The following CNTNAP1 variants were observed in gnomAD, a reference collection of about 807,000 sequenced individuals.
The protein encoded by CNTNAP1 is contactin associated protein 1.
A neutral mutation model predicts 161.5 loss-of-function variants in CNTNAP1; 80 were observed. The ratio of observed to expected loss-of-function variants is 0.50; its 90% CI spans 0.41 to 0.60. The LOEUF (loss-of-function observed/expected upper bound fraction) is 0.60, where lower values mean the gene tolerates loss of function less well. Among genes scored for constraint, CNTNAP1 ranks in the 20% least tolerant of loss-of-function variants. CNTNAP1 has a pLI of 0.00. For synonymous variants in CNTNAP1, 695 were observed against 733.1 expected (o/e 0.95, Z 0.84); for missense variants, 1,464 against 1,854.8 (o/e 0.79, Z 3.87).
Position 42,687,057 on chromosome 17 carries a change from A to AG in CNTNAP1, c.1044+17dup, listed in dbSNP as rs751088050. 1.4e-5 allele frequency: 23 copies of AG among 1,608,028 alleles called. No individual in the cohort carries two copies. The highest frequency in any genetic ancestry group is 2.0e-5 in the Non-Finnish European group (23 of 1,175,246). On this transcript the variant is annotated intron_variant, in intron 7 of 23. Coordinates refer to ENST00000264638, the MANE Select transcript of CNTNAP1 (RefSeq NM_003632.3). The surrounding 1 kb of genome is among the most constrained non-coding windows in gnomAD (Gnocchi z 4.7). ...CGGATCACCTTCGAGGCCAGTGGGC[A>AG]GGGGGGTCTGGGAGGACAGGATATC... is the stretch of plus-strand genomic sequence containing the variant.
chr17:42,693,244 C>G, intron 17 of CNTNAP1, 53 bp from the exon 18 acceptor site: 1 of 1,604,312 alleles, frequency 6.2e-7, no homozygotes, highest in East Asian at 2.2e-5. Context: ...CAGGCGTGAG[C>G]CACCGCGCCT....
rs768387220 is a variant in CNTNAP1 at position 42,685,347 on chromosome 17, C to T, written c.642C>T (p.His214=). 22 of 1,610,018 alleles carry T rather than the reference C, an allele frequency of 1.4e-5. No individual in the cohort carries two copies. The highest frequency in any genetic ancestry group is 1.8e-5 in the Non-Finnish European group (21 of 1,179,996). The change falls in exon 5 of 24, where the codon CAC becomes CAT. Residue 214 remains histidine, a synonymous_variant. Coordinates refer to ENST00000264638, the MANE Select transcript of CNTNAP1 (RefSeq NM_003632.3). This position sits in a 1 kb window ranked among gnomAD's most constrained non-coding sequence, Gnocchi z 5.0. ...AGGAGAAGGACGGTCTTCTGCTGCACGCCGAGGGCGCCCAGGGCGACTACG... is the reference window on the plus strand; with the variant it reads ...AGGAGAAGGACGGTCTTCTGCTGCATGCCGAGGGCGCCCAGGGCGACTACG... ...KTEEKDGLLL[H]AEGAQGDYVT...
chr17:42,693,672 T>C (rs562841105), intron 18 of CNTNAP1, 136 bp downstream of exon 18: 1 of 1,331,298 alleles, frequency 7.5e-7, no homozygotes, highest in African/African-American at 1.5e-5. Context: ...GCTCTGAGTT[T>C]GGGGAGTTAG....
At position 42,693,342 on chromosome 17, in the gene CNTNAP1, C is replaced by T. The variant is rs777042333; in HGVS notation, c.2798C>T (p.Ala933Val). 6.2e-7 allele frequency: 1 copy of T among 1,614,182 alleles called. No homozygotes were observed. The highest frequency in any genetic ancestry group is 1.7e-5 in the Admixed American group (1 of 60,024). ...CGCCCCTTTGTGGGTTGCTTGAGGGCCATGCGTCTGAACGGAGTGACTCTG... is the reference window on the plus strand; with the variant it reads ...CGCCCCTTTGTGGGTTGCTTGAGGGTCATGCGTCTGAACGGAGTGACTCTG... ...KRRPFVGCLR[A>V]MRLNGVTLNL... Residue 933 changes from alanine to valine, a missense_variant, in exon 18 of 24, where the codon GCC (alanine) becomes GTC (valine). Coordinates refer to ENST00000264638, the MANE Select transcript of CNTNAP1 (RefSeq NM_003632.3).
intron 10 of CNTNAP1, among the ~76,000 whole-genome samples, chr17:42,689,289 TA>T (rs1274943861): frequency 2.0e-5 from 3 of 151,932 alleles, no homozygotes; most frequent in Admixed American, 6.6e-5. Flanking sequence ...AGGGGGATGA[TA>T]GGGGTAGAAT....
chr17:42,693,274 G>C (rs2053113915), intron 17 of CNTNAP1, 23 bp from the exon 18 acceptor site: 3 of 1,612,150 alleles, frequency 1.9e-6, no homozygotes, highest in African/African-American at 1.3e-5. Context: ...TCCATTTCTT[G>C]ACCTGTTGCC....
chr17:42,691,717 C>A lies in CNTNAP1; in HGVS notation c.2345-89C>A. 6.9e-7 allele frequency: 1 copy of A among 1,454,490 alleles called. No individual in the cohort carries two copies. Among genetic ancestry groups the A allele is most frequent in the African/African-American group, 1.4e-5 (1 of 71,720 alleles). 90.1% of individuals were successfully genotyped at this position (1,454,490 alleles called of 1,614,324 possible). On this transcript the variant is annotated intron_variant, in intron 15 of 23. Transcript: ENST00000264638. This position sits in a 1 kb window ranked among gnomAD's most constrained non-coding sequence, Gnocchi z 4.3. ...CGTCACCTCAAACCCTCCCCCTTTG[C>A]CCAACCTTCCCTGCCCCCAACCCCA... is the stretch of plus-strand genomic sequence containing the variant.
rs1243829682 is a variant in CNTNAP1 at position 42,684,032 on chromosome 17, A to G, written c.170-4A>G. 1 of 1,614,078 alleles carries G rather than the reference A, an allele frequency of 6.2e-7. No homozygotes were observed. The highest frequency in any genetic ancestry group is 2.2e-5 in the East Asian group (1 of 44,874). On this transcript the variant is annotated splice_polypyrimidine_tract_variant and splice_region_variant and intron_variant, in intron 2 of 23. Coordinates refer to ENST00000264638, the MANE Select transcript of CNTNAP1 (RefSeq NM_003632.3). ...GCCGGTTAAAGCTCCTGTCCTTTCT[A>G]TAGGCATAAGCGGGTGGTCACCACG...
chr17:42,693,284 C>T lies in CNTNAP1; in HGVS notation c.2753-13C>T, dbSNP rs764610571. 6.2e-7 allele frequency: 1 copy of T among 1,613,496 alleles called. No homozygotes were observed. Among genetic ancestry groups the T allele is most frequent in the Non-Finnish European group, 8.5e-7 (1 of 1,179,534 alleles). ...CTGCCTCCATTTCTTGACCTGTTGC[C>T]TACCCTTCCCAGGATCTGCAGAGCT... is the stretch of plus-strand genomic sequence containing the variant. On this transcript the variant is annotated splice_polypyrimidine_tract_variant and intron_variant, in intron 17 of 23. Transcript: ENST00000264638.
chr17:42,689,379 C>A, intron 10 of CNTNAP1, 142 bp from the exon 11 acceptor site: 2 of 647,536 alleles, frequency 3.1e-6, no homozygotes, highest in Non-Finnish European at 5.4e-6. Flanking sequence ...CCTGCATCTG[C>A]GCTTATACCC....
rs1177146653 is a variant in CNTNAP1 at position 42,685,298 on chromosome 17, T to A, written c.593T>A (p.Val198Glu). 3.7e-6 allele frequency: 6 copies of A among 1,613,458 alleles called. No homozygotes were observed. The highest frequency in any genetic ancestry group is 5.1e-6 in the Non-Finnish European group (6 of 1,180,034). ...PRGVSRSLWD[V>E]FAFSFKTEEK... ...GGGGTCAGCCGAAGCCTGTGGGACG[T>A]GTTCGCCTTCAGCTTCAAGACCGAG... is the stretch of plus-strand genomic sequence containing the variant. The change falls in exon 5 of 24, where the codon GTG becomes GAG. Residue 198 changes from valine to glutamate, a missense_variant. Around this residue, in one of 3 missense-constraint regions of CNTNAP1, gnomAD observed 1,383 missense variants for 1,765.0 expected, o/e 0.78. Transcript: ENST00000264638. This position sits in a 1 kb window ranked among gnomAD's most constrained non-coding sequence, Gnocchi z 5.0.
In CNTNAP1 at chr17:42,691,906, C is replaced by G. The variant is rs149019295; in HGVS notation, c.2445C>G (p.Thr815=). 260 of 1,614,066 alleles carry G rather than the reference C, an allele frequency of 1.6e-4. No homozygotes were observed. Among genetic ancestry groups the G allele is most frequent in the Non-Finnish European group, 2.0e-4 (239 of 1,180,032 alleles). Reference sequence around the variant, plus strand: ...TGGATGTCTCCTTCTACTTCAGGACCTCTGCTCCCTCGGGGGTCTTCCTAG... The same window carrying G: ...TGGATGTCTCCTTCTACTTCAGGACGTCTGCTCCCTCGGGGGTCTTCCTAG... The part of the protein sequence containing the change: ...HSLDVSFYFR[T]SAPSGVFLEN... The change falls in exon 16 of 24, where the codon ACC becomes ACG. Residue 815 remains threonine (T), a synonymous_variant. Coordinates refer to ENST00000264638, the MANE Select transcript of CNTNAP1 (RefSeq NM_003632.3). The surrounding 1 kb of genome is among the most constrained non-coding windows in gnomAD (Gnocchi z 4.3).
In CNTNAP1 at chr17:42,698,890, G is replaced by A; in HGVS notation, c.4135G>A (p.Glu1379Lys). The change falls in exon 24 of 24, where the codon GAG (glutamate) becomes AAG (lysine). Residue 1379 changes from glutamate (E) to lysine (K), a missense_variant. By Grantham distance (56) the Glu-to-Lys change is moderately conservative. Transcript: ENST00000264638. ...GGATCAGAACCTACCCCAGATCCTG[G>A]AGGAGTCCAGGTCTGAATGAGTCAG... Reference protein sequence around the residue: ...PRDQNLPQILEESRSE With the variant: ...PRDQNLPQILKESRSE 2 of 1,555,886 alleles carry A rather than the reference G, an allele frequency of 1.3e-6. No homozygotes were observed. The highest frequency in any genetic ancestry group is 1.7e-6 in the Non-Finnish European group (2 of 1,156,430).
At chr17:42,694,534 G>T (rs2053130122) in intron 18 of CNTNAP1, among the ~76,000 whole-genome samples, 1 of 151,980 alleles carries the variant, frequency 6.6e-6, no homozygotes, top group African/African-American at 2.4e-5. Flanking sequence ...GGAGGCTGAG[G>T]TGGGAGGATC....
Position 42,689,019 on chromosome 17 carries a change from C to T in CNTNAP1, c.1600C>T (p.Leu534Phe), listed in dbSNP as rs1273116283. ...GRRLGFYAEV[L>F]FDTCGITDRC... ...GCGGCTTGGATTCTATGCTGAGGTC[C>T]TCTTTGATACATGTGGCATCACTGA... The change falls in exon 10 of 24, where the codon CTC becomes TTC. Residue 534 changes from leucine (L) to phenylalanine (F), a missense_variant. Around this residue, in one of 3 missense-constraint regions of CNTNAP1, gnomAD observed 1,383 missense variants for 1,765.0 expected, o/e 0.78. Transcript: ENST00000264638. The T allele has an allele frequency of 6.3e-7, 1 of 1,599,540 alleles. No individual in the cohort carries two copies. Among genetic ancestry groups the T allele is most frequent in the African/African-American group, 1.3e-5 (1 of 74,512 alleles).
chr17:42,690,169 GC>G lies in CNTNAP1; in HGVS notation c.1822del (p.Leu608Ter), dbSNP rs1354703437. The G allele has an allele frequency of 6.2e-7, 1 of 1,614,024 alleles. No individual in the cohort carries two copies. Among genetic ancestry groups the G allele is most frequent in the Admixed American group, 1.7e-5 (1 of 59,996 alleles). Reference protein sequence around the residue: ...GNFTIDPDGSGPLKPFVVYCD... With the variant: ...GNFTIDPDGSXPLKPFVVYCD... ...TTCACCATTGATCCTGATGGCAGTG[GC>G]CCCCTGAAGCCATTTGTAGTGTACT... On this transcript the variant is annotated frameshift_variant, in exon 12 of 24. Coordinates refer to ENST00000264638, the MANE Select transcript of CNTNAP1 (RefSeq NM_003632.3). LOFTEE classifies it high-confidence loss of function.
rs777967716 is a variant in CNTNAP1 at position 42,692,703 on chromosome 17, A to G, written c.2735A>G (p.Asp912Gly). 6.2e-7 allele frequency: 1 copy of G among 1,610,854 alleles called. No homozygotes were observed. Among genetic ancestry groups the G allele is most frequent in the Admixed American group, 1.7e-5 (1 of 59,968 alleles). The change falls in exon 17 of 24, where the codon GAC becomes GGC. Residue 912 changes from aspartate to glycine, a missense_variant. Transcript: ENST00000264638. ...PLQTYIWMEY[D>G]QPLYVGSAEL... ...CAGACCTACATCTGGATGGAGTATGACCAGCCCCTCTATGTGGGTAAGCAG... is the reference window on the plus strand; with the variant it reads ...CAGACCTACATCTGGATGGAGTATGGCCAGCCCCTCTATGTGGGTAAGCAG...
chr17:42,690,646 C>A, intron 12 of CNTNAP1, 93 bp from the exon 13 acceptor site: 1 of 1,305,654 alleles, frequency 7.7e-7, no homozygotes, highest in Non-Finnish European at 1.1e-6. Context: ...CGTTCAGTGG[C>A]TCTGAGTTGC....
chr17:42,682,634 C>CAGAGAG lies in CNTNAP1; in HGVS notation c.-184_-179dup. 3 of 554,176 alleles carry CAGAGAG rather than the reference C, an allele frequency of 5.4e-6. No homozygotes were observed. The highest frequency in any genetic ancestry group is 9.6e-6 in the Non-Finnish European group (3 of 310,920). The allele number at this position is 554,176 out of a possible 1,614,324, so 34.3% of individuals were successfully genotyped here. ...GAGAGAAGAGCGGAGGACCAGGAAC[C>CAGAGAG]AGAGAGAGAGAGAGAGAAAAGAGAG... On this transcript the variant is annotated 5_prime_UTR_variant, in exon 1 of 24. Coordinates refer to ENST00000264638, the MANE Select transcript of CNTNAP1 (RefSeq NM_003632.3).
Sources: gnomAD v4.1 joint callset for allele counts (sites outside exome capture counted in the v4.1 genomes callset) on GRCh38, gnomAD v4.1.1 for gene constraint, gnomAD v4.1.1 regional missense constraint, Gnocchi (gnomAD v3.1) non-coding constraint, MANE v1.5 for transcripts, NCBI Gene and HGNC (gene_info 2026-07-23, HGNC 2026-07-21) for gene names.